AP1B1: variants seen among roughly 807,000 people sequenced by gnomAD.
AP1B1 encodes the protein AP-1 complex subunit beta-1.
Under a neutral mutation model 104.3 loss-of-function variants are expected in AP1B1, and 36 were observed. The observed-to-expected ratio is 0.35, with a 90% CI of 0.26 to 0.46. The LOEUF (loss-of-function observed/expected upper bound fraction) is 0.46, where lower values mean the gene tolerates loss of function less well. Among genes scored for constraint, AP1B1 ranks in the 20% least tolerant of loss-of-function variants. AP1B1 has a pLI of 1.00. For synonymous variants in AP1B1, 504 were observed against 517.5 expected (o/e 0.97, Z 0.35); for missense variants, 901 against 1,247.9 (o/e 0.72, Z 4.19).
At chr22:29,356,210 T>C (rs1274369545) in intron 6 of AP1B1, among the ~76,000 whole-genome samples, 1 of 152,222 alleles carries the variant, frequency 6.6e-6, no homozygotes, top group Non-Finnish European at 1.5e-5. Context: ...GGCCAGGCCA[T>C]GCGTATGCCC....
rs759297425 is a variant in AP1B1, at chr22:29,329,180, GTGCCCGGCCCCCACCCTGAGGGC to G, written c.2776-308_2776-286del. The G allele has an allele frequency of 1.7e-3, 2,103 of 1,271,632 alleles. 2 individuals are homozygous for G. The highest frequency in any genetic ancestry group is 1.9e-3 in the Non-Finnish European group (1,944 of 999,686). 78.8% of individuals were successfully genotyped at this position (1,271,632 alleles called of 1,614,324 possible). A position where few individuals can be genotyped will look rare whatever the true frequency, so the allele number is the denominator to read the frequency against. On this transcript the variant is annotated intron_variant, in intron 22 of 22. Transcript: ENST00000357586. ...GTCACGAGCCGGAGGCTGCCAGGGAGTGCCCGGCCCCCACCCTGAGGGCTGCCCGGCCCCCCAGAGTCCCTGAA... is the reference window on the plus strand; with the variant it reads ...GTCACGAGCCGGAGGCTGCCAGGGAGTGCCCGGCCCCCCAGAGTCCCTGAA...
chr22:29,329,040 G>A, intron 22 of AP1B1, 145 bp from the exon 23 acceptor site: 2 of 1,451,606 alleles, frequency 1.4e-6, no homozygotes, highest in Non-Finnish European at 1.8e-6. Flanking sequence ...GCACAGATGT[G>A]AGGTAAAGCG....
intron 12 of AP1B1, 66 bp downstream of exon 12, chr22:29,342,218 TG>T: frequency 7.3e-7 from 1 of 1,374,174 alleles, no homozygotes; most frequent in Non-Finnish European, 1.0e-6. Flanking sequence ...GTCTAGTTCC[TG>T]GGACAAAAGT....
At chr22:29,341,044 C>T (rs1159067449) in intron 13 of AP1B1, among the ~76,000 whole-genome samples, 187 bp from the exon 14 acceptor site, 1 of 152,352 alleles carries the variant, frequency 6.6e-6, no homozygotes, top group East Asian at 1.9e-4. Flanking sequence ...CTTTCAGGTC[C>T]TCCGTGAGGA....
At chr22:29,364,710 G>A (rs551321624) in intron 2 of AP1B1, among the ~76,000 whole-genome samples, 16 of 150,036 alleles carry the variant, frequency 1.1e-4, no homozygotes, top group East Asian at 2.0e-4. Context: ...CACCACGCCC[G>A]GCCATTTTTT....
At chr22:29,371,175 C>T (rs1338458168) in intron 1 of AP1B1, among the ~76,000 whole-genome samples, 1 of 152,184 alleles carries the variant, frequency 6.6e-6, no homozygotes, top group Admixed American at 6.5e-5. Context: ...CCATTGTGAG[C>T]ACCTAATGCT....
At chr22:29,360,911 G>A (rs1299935341) in intron 3 of AP1B1, among the ~76,000 whole-genome samples, 2 of 152,284 alleles carry the variant, frequency 1.3e-5, no homozygotes, top group Admixed American at 1.3e-4. Context: ...GGAGGTCAAA[G>A]TGAACTTCCT....
rs926115100 is a variant in AP1B1 at position 29,327,797 on chromosome 22, A to G, written c.*1024T>C. The G allele has an allele frequency of 6.6e-6, 1 of 152,070 alleles. No individual in the cohort carries two copies. Among genetic ancestry groups the G allele is most frequent in the African/African-American group, 2.4e-5 (1 of 41,384 alleles). 9.4% of individuals were successfully genotyped at this position (152,070 alleles called of 1,614,324 possible). On this transcript the variant is annotated 3_prime_UTR_variant, in exon 23 of 23. Coordinates refer to ENST00000357586, the MANE Select transcript of AP1B1 (RefSeq NM_001127.4). ...CCGTAGGGTCAGAAAACCATCCCCAACCACTCGGAGGCAGCTTTCAATCCT... is the reference window on the plus strand; with the variant it reads ...CCGTAGGGTCAGAAAACCATCCCCAGCCACTCGGAGGCAGCTTTCAATCCT...
At chr22:29,382,077 CAGAT>C (rs2062445321) in intron 1 of AP1B1, among the ~76,000 whole-genome samples, 2 of 151,952 alleles carry the variant, frequency 1.3e-5, no homozygotes, top group Admixed American at 6.6e-5. Flanking sequence ...TTGCTAGAGA[CAGAT>C]AGTCTTGCTC....
intron 22 of AP1B1, chr22:29,329,201 G>A (rs1254243050): frequency 3.2e-6 from 4 of 1,232,882 alleles, no homozygotes; most frequent in Non-Finnish European, 4.1e-6. Flanking sequence ...CCACCCTGAG[G>A]GCTGCCCGGC....
chr22:29,354,950 TC>T, intron 6 of AP1B1, 79 bp from the exon 7 acceptor site: 2 of 1,325,042 alleles, frequency 1.5e-6, no homozygotes, highest in Non-Finnish European at 2.1e-6. Flanking sequence ...AAATAGCATG[TC>T]CAGGCCAGGC....
rs1569157618 is a variant in AP1B1, at chr22:29,351,128, C to T, written c.1155+43G>A. 3 of 1,562,318 alleles carry T rather than the reference C, an allele frequency of 1.9e-6. No homozygotes were observed. The Admixed American group carries it at 5.3e-5, about 27-fold the overall frequency. Reference sequence around the variant, plus strand: ...TCAGACTGGTTTCCCGGTTTCAGCCCCCTTTTCCTTCTCCAGCCAAGGACA... The same window carrying T: ...TCAGACTGGTTTCCCGGTTTCAGCCTCCTTTTCCTTCTCCAGCCAAGGACA... On this transcript the variant is annotated intron_variant, in intron 9 of 22. Coordinates refer to ENST00000357586, the MANE Select transcript of AP1B1 (RefSeq NM_001127.4).
At chr22:29,369,238 C>G (rs1001067135) in intron 1 of AP1B1, among the ~76,000 whole-genome samples, 1 of 152,092 alleles carries the variant, frequency 6.6e-6, no homozygotes, top group African/African-American at 2.4e-5. Flanking sequence ...TCCTCTCCAG[C>G]CCAATTGGAT....
At chr22:29,355,460 TAAACAAACAAAC>T (rs549032143) in intron 6 of AP1B1, among the ~76,000 whole-genome samples, 2 of 152,110 alleles carry the variant, frequency 1.3e-5, no homozygotes, top group East Asian at 3.9e-4. Flanking sequence ...GACCCTGTCA[TAAACAAACAAAC>T]AAACAAACAT....
chr22:29,332,542 G>T (rs1443739100), intron 17 of AP1B1, among the ~76,000 whole-genome samples: 1 of 152,142 alleles, frequency 6.6e-6, no homozygotes, highest in Non-Finnish European at 1.5e-5. Context: ...CATGGGACTG[G>T]GGGCACAAAC....
At chr22:29,347,581 C>T (rs1029412841) in intron 11 of AP1B1, among the ~76,000 whole-genome samples, 1 of 152,144 alleles carries the variant, frequency 6.6e-6, no homozygotes, top group African/African-American at 2.4e-5. Context: ...TCTGTGCTCA[C>T]CAACAGACTA....
In AP1B1 at chr22:29,330,333, G is replaced by A. The variant is rs759626887; in HGVS notation, c.2766+45C>T. On this transcript the variant is annotated intron_variant, in intron 21 of 22. Coordinates refer to ENST00000357586, the MANE Select transcript of AP1B1 (RefSeq NM_001127.4). ...CCAGGGCCACCCCCTGGCATGGGACGAAGGGGAGGCTCCAAGGCTGCAGGG... is the reference window on the plus strand; with the variant it reads ...CCAGGGCCACCCCCTGGCATGGGACAAAGGGGAGGCTCCAAGGCTGCAGGG... The A allele has an allele frequency of 1.2e-5, 19 of 1,608,360 alleles. No homozygotes were observed. In the South Asian group the frequency reaches 1.9e-4, roughly 16 times the overall value.
chr22:29,342,203 T>G (rs747926291), intron 12 of AP1B1, 82 bp downstream of exon 12: 87 of 1,195,770 alleles, frequency 7.3e-5, no homozygotes, highest in Non-Finnish European at 9.8e-5. Context: ...GGGCCTGGCT[T>G]CCAGGTCTAG....
In AP1B1 at chr22:29,334,282, G is replaced by C; in HGVS notation, c.2292C>G (p.Ile764Met). Reference protein sequence around the residue: ...KALQVMTDFAIQFNRNSFGLA... With the variant: ...KALQVMTDFAMQFNRNSFGLA... Reference sequence around the variant, plus strand: ...GCTCTCACCTGTTGCGGTTGAACTGGATGGCAAAGTCGGTCATGACCTGCA... The same window carrying C: ...GCTCTCACCTGTTGCGGTTGAACTGCATGGCAAAGTCGGTCATGACCTGCA... Residue 764 changes from isoleucine to methionine, a missense_variant, in exon 17 of 23, where the codon ATC becomes ATG. Around this residue, in one of 3 missense-constraint regions of AP1B1, gnomAD observed 424 missense variants for 494.0 expected, o/e 0.86. Coordinates refer to ENST00000357586, the MANE Select transcript of AP1B1 (RefSeq NM_001127.4). The C allele has an allele frequency of 6.2e-7, 1 of 1,603,362 alleles. No homozygotes were observed. The highest frequency in any genetic ancestry group is 8.5e-7 in the Non-Finnish European group (1 of 1,176,016).
Sources: gnomAD v4.1 joint callset for allele counts (sites outside exome capture counted in the v4.1 genomes callset) on GRCh38, gnomAD v4.1.1 for gene constraint, gnomAD v4.1.1 regional missense constraint, MANE v1.5 for transcripts, NCBI Gene and HGNC (gene_info 2026-07-23, HGNC 2026-07-21) for gene names.